The following KHDRBS2 variants were observed in gnomAD, a reference collection of about 807,000 sequenced individuals.
KHDRBS2 encodes KH domain-containing, RNA-binding, signal transduction-associated protein 2.
A neutral mutation model predicts 44.3 loss-of-function variants in KHDRBS2; 26 were observed. That is an observed-to-expected ratio of 0.59 (90% CI 0.43 to 0.81). The LOEUF (loss-of-function observed/expected upper bound fraction) is 0.81, where lower values mean the gene tolerates loss of function less well. Among genes scored for constraint, KHDRBS2 ranks in the 40% least tolerant of loss-of-function variants. KHDRBS2 has a pLI of 0.00. For synonymous variants in KHDRBS2, 194 were observed against 151.1 expected (o/e 1.28, Z -2.08); for missense variants, 476 against 433.1 (o/e 1.10, Z -0.88).
At chr6:62,092,151 C>CA (rs2127364603) in intron 2 of KHDRBS2, among the ~76,000 whole-genome samples, 1 of 151,720 alleles carries the variant, frequency 6.6e-6, no homozygotes, top group East Asian at 1.9e-4. Context: ...CAGCTTCCAC[C>CA]AGCTCTCTAC....
intron 4 of KHDRBS2, among the ~76,000 whole-genome samples, chr6:61,974,132 T>C (rs1174684957): frequency 1.3e-5 from 2 of 152,174 alleles, no homozygotes; most frequent in Admixed American, 1.3e-4. Context: ...ATTAATTCAA[T>C]TGAATTGAAG....
chr6:62,126,246 G>C (rs796384018), intron 2 of KHDRBS2, among the ~76,000 whole-genome samples: 31 of 152,298 alleles, frequency 2.0e-4, no homozygotes, highest in African/African-American at 7.0e-4. Context: ...GCCGTGGGGA[G>C]AGATTCCATT....
intron 2 of KHDRBS2, among the ~76,000 whole-genome samples, chr6:62,139,882 C>G (rs576297257): frequency 6.6e-6 from 1 of 152,084 alleles, no homozygotes; most frequent in Non-Finnish European, 1.5e-5. Flanking sequence ...TGCCACCTCC[C>G]CACTCCCCGC....
chr6:62,225,988 C>A, intron 1 of KHDRBS2, among the ~76,000 whole-genome samples: 1 of 152,222 alleles, frequency 6.6e-6, no homozygotes, highest in South Asian at 2.1e-4. Context: ...AATAGTGTTG[C>A]AATAAACATA....
At position 61,894,789 on chromosome 6, in the gene KHDRBS2, C is replaced by A. The variant is rs1802622127; in HGVS notation, c.656G>T (p.Gly219Val). 3.7e-6 allele frequency: 6 copies of A among 1,612,814 alleles called. No individual in the cohort carries two copies. The highest frequency in any genetic ancestry group is 2.7e-5 in the African/African-American group (2 of 74,870). The change falls in exon 6 of 9, where the codon GGT becomes GTT. Residue 219 changes from glycine (G) to valine (V), a missense_variant. Physicochemically the swap from Gly to Val is moderately radical, Grantham distance 109. Transcript: ENST00000281156. ...AGTGCTTCCCCGAGGGGTGAGAACACCTCGTCCAGGTGGTGGGGGAGGAGG... is the reference window on the plus strand; with the variant it reads ...AGTGCTTCCCCGAGGGGTGAGAACAACTCGTCCAGGTGGTGGGGGAGGAGG... Reference protein sequence around the residue: ...AIPPPPPPGRGVLTPRGSTVT... With the variant: ...AIPPPPPPGRVVLTPRGSTVT...
chr6:61,626,077 T>C, the KHDRBS2 span, among the ~76,000 whole-genome samples: 1 of 152,222 alleles, frequency 6.6e-6, no homozygotes, highest in African/African-American at 2.4e-5. Context: ...AATTCCAATA[T>C]AGTGTATTAT....
chr6:61,740,549 TC>T (rs1775994952), intron 6 of KHDRBS2, among the ~76,000 whole-genome samples: 1 of 151,960 alleles, frequency 6.6e-6, no homozygotes. Context: ...TAGAGTAGGC[TC>T]CATTTTCCCA....
the KHDRBS2 span, among the ~76,000 whole-genome samples, chr6:61,601,403 C>G: frequency 6.6e-6 from 1 of 152,258 alleles, no homozygotes; most frequent in East Asian, 1.9e-4. Flanking sequence ...TCACATCTGA[C>G]TTAAAATCTA....
intron 6 of KHDRBS2, among the ~76,000 whole-genome samples, chr6:61,828,395 G>A (rs557020655): frequency 1.4e-3 from 211 of 152,282 alleles, no homozygotes; most frequent in African/African-American, 4.7e-3. Flanking sequence ...AGGCCTGAAA[G>A]GTTCCAATTA....
intron 2 of KHDRBS2, among the ~76,000 whole-genome samples, chr6:62,158,085 T>C (rs959762206): frequency 2.6e-5 from 4 of 152,200 alleles, no homozygotes; most frequent in African/African-American, 7.2e-5. Flanking sequence ...AATGTAATCA[T>C]TATCTCCTTT....
chr6:62,197,923 A>G (rs1042379829), intron 1 of KHDRBS2, among the ~76,000 whole-genome samples: 1 of 152,198 alleles, frequency 6.6e-6, no homozygotes, highest in Non-Finnish European at 1.5e-5. Flanking sequence ...ACAACTCAGC[A>G]TTAAGAAACT....
chr6:61,915,302 C>A (rs1806795459), intron 4 of KHDRBS2, among the ~76,000 whole-genome samples: 1 of 151,962 alleles, frequency 6.6e-6, no homozygotes, highest in Admixed American at 6.6e-5. Flanking sequence ...GGAATGAGGG[C>A]AGAATTCAAG....
At chr6:61,715,708 T>C (rs1415040558) in intron 7 of KHDRBS2, among the ~76,000 whole-genome samples, 1 of 151,976 alleles carries the variant, frequency 6.6e-6, no homozygotes, top group Non-Finnish European at 1.5e-5. Flanking sequence ...AGTGTCTCTC[T>C]TCTTCTCTAA....
At chr6:62,040,259 GCA>G (rs1329785670) in intron 3 of KHDRBS2, among the ~76,000 whole-genome samples, 1 of 151,382 alleles carries the variant, frequency 6.6e-6, no homozygotes, top group Non-Finnish European at 1.5e-5. Context: ...GCACGCACAC[GCA>G]CACACACACC....
intron 2 of KHDRBS2, among the ~76,000 whole-genome samples, chr6:62,149,018 C>T (rs541585173): frequency 2.0e-5 from 3 of 152,152 alleles, no homozygotes; most frequent in East Asian, 1.9e-4. Context: ...AATAACTGCC[C>T]TATTTCCTTT....
At chr6:61,734,308 GTTAAT>G (rs1310758492) in intron 6 of KHDRBS2, among the ~76,000 whole-genome samples, 1 of 152,008 alleles carries the variant, frequency 6.6e-6, no homozygotes, top group African/African-American at 2.4e-5. Flanking sequence ...ATGTTCTAAA[GTTAAT>G]TTTAGTATTT....
intron 6 of KHDRBS2, among the ~76,000 whole-genome samples, chr6:61,861,070 T>C (rs1295328786): frequency 6.6e-6 from 1 of 152,130 alleles, no homozygotes; most frequent in Non-Finnish European, 1.5e-5. Flanking sequence ...GGTTGTTTTT[T>C]TCTTTTAAAT....
At chr6:62,047,738 G>C (rs1788026391) in intron 3 of KHDRBS2, 140 bp downstream of exon 3, 1 of 649,586 alleles carries the variant, frequency 1.5e-6, no homozygotes, top group African/African-American at 1.8e-5. Context: ...GGAGATAGCA[G>C]AAAGTGACAC....
chr6:62,008,654 G>T (rs1584123821), intron 3 of KHDRBS2, among the ~76,000 whole-genome samples: 1 of 152,130 alleles, frequency 6.6e-6, no homozygotes, highest in Non-Finnish European at 1.5e-5. Flanking sequence ...CCCATGTGTT[G>T]TGGGAGGAAC....
Sources: gnomAD v4.1 joint callset for allele counts (sites outside exome capture counted in the v4.1 genomes callset) on GRCh38, gnomAD v4.1.1 for gene constraint, MANE v1.5 for transcripts, NCBI Gene and HGNC (gene_info 2026-07-23, HGNC 2026-07-21) for gene names.